ASIC5: variants seen among roughly 807,000 people sequenced by gnomAD.
ASIC5 encodes the protein acid sensing ion channel subunit family member 5.
A neutral mutation model predicts 51.2 loss-of-function variants in ASIC5; 52 were observed. That is an observed-to-expected ratio of 1.02 (90% confidence interval 0.81 to 1.28). The LOEUF is 1.28. Ranked by LOEUF, ASIC5 falls within the 50% of genes most tolerant of loss-of-function variation. ASIC5 has a pLI of 0.00. For missense variants in ASIC5, 635 were observed against 595.0 expected, an observed-to-expected ratio of 1.07 and a Z score of -0.70; for synonymous variants, 231 against 200.7, an observed-to-expected ratio of 1.15 and a Z score of -1.28.
At chr4:155,838,384 A>G (rs1421604248) in intron 7 of ASIC5, among the ~76,000 whole-genome samples, 2 of 152,172 alleles carry the variant, frequency 1.3e-5, no homozygotes, top group Non-Finnish European at 2.9e-5. Flanking sequence ...TCCATTTATG[A>G]AAAAATTTTA....
At chr4:155,856,787 A>G (rs1309694871) in intron 2 of ASIC5, among the ~76,000 whole-genome samples, 2 of 152,096 alleles carry the variant, frequency 1.3e-5, no homozygotes, top group Admixed American at 1.3e-4. Flanking sequence ...ATCTGCTCCA[A>G]AACCCTACAA....
intron 2 of ASIC5, among the ~76,000 whole-genome samples, chr4:155,856,805 A>G (rs999842110): frequency 6.6e-6 from 1 of 152,056 alleles, no homozygotes; most frequent in Admixed American, 6.6e-5. Context: ...CAACTGTGAA[A>G]TCCTGCACAG....
At chr4:155,857,901 C>T (rs755335265) in intron 2 of ASIC5, among the ~76,000 whole-genome samples, 2 of 151,876 alleles carry the variant, frequency 1.3e-5, no homozygotes, top group African/African-American at 4.8e-5. Context: ...ATGATTTTAC[C>T]TTTGGTTAAA....
At chr4:155,847,092 C>G (rs1741266510) in intron 4 of ASIC5, among the ~76,000 whole-genome samples, 1 of 151,930 alleles carries the variant, frequency 6.6e-6, no homozygotes, top group African/African-American at 2.4e-5. Flanking sequence ...GTGTTCAGGT[C>G]AAACCAGAAA....
intron 4 of ASIC5, among the ~76,000 whole-genome samples, chr4:155,848,493 C>A (rs1741306286): frequency 6.6e-6 from 1 of 151,930 alleles, no homozygotes; most frequent in Non-Finnish European, 1.5e-5. Flanking sequence ...GCCTGTAATT[C>A]TGATATGACT....
At position 155,861,778 on chromosome 4, in the gene ASIC5, A is replaced by G. The variant is rs191492310; in HGVS notation, c.347+1670T>C. Among the ~76,000 whole-genome samples the G allele has an allele frequency of 7.2e-5, 11 of 151,856 alleles. No individual in the cohort carries two copies. In the East Asian group the frequency reaches 7.8e-4, roughly 11 times the overall value. On this transcript the variant is annotated intron_variant, in intron 2 of 9. Coordinates refer to ENST00000537611, the MANE Select transcript of ASIC5 (RefSeq NM_017419.3). ...CTTGGCTTGTGGCAAAACCTTATCA[A>G]TTTCTGCTTCTATTTCACATGAATT...
rs773972089 is a variant in ASIC5, at chr4:155,829,984, T to A, written c.1390A>T (p.Ile464Phe). The change falls in exon 10 of 10, where the codon ATT becomes TTT. Residue 464 changes from isoleucine to phenylalanine, a missense_variant. Transcript: ENST00000537611. ...GASLITIIEI[I>F]EYLFTNFYWI... Reference sequence around the variant, plus strand: ...TAGAAATTGGTGAATAGATATTCAATAATTTCTATGATCGTGATCAGACTG... The same window carrying A: ...TAGAAATTGGTGAATAGATATTCAAAAATTTCTATGATCGTGATCAGACTG... 1 of 1,599,952 alleles carries A rather than the reference T, an allele frequency of 6.3e-7. No homozygotes were observed. Among genetic ancestry groups the A allele is most frequent in the Admixed American group, 1.7e-5 (1 of 58,528 alleles).
intron 3 of ASIC5, among the ~76,000 whole-genome samples, chr4:155,853,524 G>A (rs930920662): frequency 1.3e-5 from 2 of 148,826 alleles, no homozygotes; most frequent in African/African-American, 4.9e-5. Context: ...TTATGTATTT[G>A]TTTTGTATTT....
Position 155,843,760 on chromosome 4 carries a change from T to G in ASIC5, c.782A>C (p.Lys261Thr). The change falls in exon 5 of 10, where the codon AAG becomes ACG. Residue 261 changes from lysine (K) to threonine (T), a missense_variant. Transcript: ENST00000537611. Reference sequence around the variant, plus strand: ...TAACCCATCAAACTGTGGCACCTTCTTTGGTGAATGGATAACAAAGATGAT... The same window carrying G: ...TAACCCATCAAACTGTGGCACCTTCGTTGGTGAATGGATAACAAAGATGAT... Reference protein sequence around the residue: ...AGIIFVIHSPKKVPQFDGLGL... With the variant: ...AGIIFVIHSPTKVPQFDGLGL... The G allele has an allele frequency of 6.2e-7, 1 of 1,613,732 alleles. No individual in the cohort carries two copies. The highest frequency in any genetic ancestry group is 8.5e-7 in the Non-Finnish European group (1 of 1,179,744).
intron 8 of ASIC5, among the ~76,000 whole-genome samples, chr4:155,834,708 C>T (rs1306990176): frequency 6.6e-6 from 1 of 152,096 alleles, no homozygotes; most frequent in African/African-American, 2.4e-5. Context: ...TAAATGAGAA[C>T]AGGCATTTCT....
At chr4:155,856,922 A>G (rs984640098) in intron 2 of ASIC5, among the ~76,000 whole-genome samples, 1 of 152,082 alleles carries the variant, frequency 6.6e-6, no homozygotes, top group Non-Finnish European at 1.5e-5. Context: ...ACAATCTACA[A>G]AAAAGTTAAA....
intron 4 of ASIC5, among the ~76,000 whole-genome samples, chr4:155,847,662 C>A (rs989003621): frequency 2.6e-5 from 4 of 152,022 alleles, no homozygotes. Context: ...GCGGAAGTTG[C>A]AGTGAGCCAA....
At chr4:155,838,899 A>T in intron 6 of ASIC5, 30 bp from the exon 7 acceptor site, 1 of 1,282,346 alleles carries the variant, frequency 7.8e-7, no homozygotes, top group Non-Finnish European at 1.1e-6. Context: ...ACATATAGAG[A>T]CTTTACATTT....
At chr4:155,841,337 CCA>C (rs1741114387) in intron 6 of ASIC5, among the ~76,000 whole-genome samples, 1 of 152,060 alleles carries the variant, frequency 6.6e-6, no homozygotes, top group Non-Finnish European at 1.5e-5. Flanking sequence ...ATATTCTGTG[CCA>C]GGCACTATTT....
At chr4:155,832,026 C>G (rs1740883202) in intron 8 of ASIC5, 111 bp from the exon 9 acceptor site, 1 of 565,608 alleles carries the variant, frequency 1.8e-6, no homozygotes, top group Admixed American at 2.8e-5. Context: ...TAATGTTAAA[C>G]TGACACAGAA....
intron 8 of ASIC5, among the ~76,000 whole-genome samples, chr4:155,834,948 A>G (rs1484426078): frequency 6.6e-6 from 1 of 152,038 alleles, no homozygotes; most frequent in Admixed American, 6.5e-5. Context: ...GCCTGACTCC[A>G]CGCAAAGATC....
intron 3 of ASIC5, among the ~76,000 whole-genome samples, chr4:155,853,477 T>G (rs1312999073): frequency 1.3e-5 from 2 of 151,276 alleles, no homozygotes; most frequent in Admixed American, 6.6e-5. Flanking sequence ...AAATGTAGAT[T>G]AATTTTATAA....
chr4:155,864,681 G>T (rs1290107408), intron 1 of ASIC5: 2 of 152,076 alleles, frequency 1.3e-5, no homozygotes, highest in Non-Finnish European at 2.9e-5. Context: ...GGCAGCAATG[G>T]TATCTGCCTT....
intron 2 of ASIC5, among the ~76,000 whole-genome samples, chr4:155,858,346 A>G (rs1741600428): frequency 6.6e-6 from 1 of 152,246 alleles, no homozygotes; most frequent in Non-Finnish European, 1.5e-5. Context: ...ATTAAAATTA[A>G]TAAGTATTCT....
Sources: allele counts gnomAD v4.1 joint callset (sites outside exome capture counted in the v4.1 genomes callset), GRCh38; gene constraint gnomAD v4.1.1; transcripts MANE v1.5; gene names NCBI Gene and HGNC (gene_info 2026-07-23, HGNC 2026-07-21).